The following JAM3 variants were observed in gnomAD, a reference collection of about 807,000 sequenced individuals.
JAM3 encodes the protein junctional adhesion molecule 3.
JAM3 carries 31 observed loss-of-function variants against 39.4 expected under a neutral mutation model. The ratio of observed to expected loss-of-function variants is 0.79; its 90% CI spans 0.59 to 1.06. JAM3 has a LOEUF of 1.06. Ranked by LOEUF, JAM3 falls within the 50% of genes least tolerant of loss-of-function variation. The pLI is 0.00. For missense variants in JAM3, 455 were observed against 391.4 expected (o/e 1.16, Z -1.37); for synonymous variants, 182 against 148.7 (o/e 1.22, Z -1.63).
intron 1 of JAM3, among the ~76,000 whole-genome samples, chr11:134,133,650 C>T (rs778500570): frequency 1.2e-4 from 19 of 152,272 alleles, no homozygotes; most frequent in Middle Eastern, 6.8e-3. Context: ...CTCCAGCCGC[C>T]TCTAGTCATC....
At chr11:134,098,011 A>G (rs188780502) in intron 1 of JAM3, among the ~76,000 whole-genome samples, 207 of 152,224 alleles carry the variant, frequency 1.4e-3, no homozygotes, top group Non-Finnish European at 2.2e-3. Context: ...AAAAACCTAT[A>G]TACTTTATGA....
chr11:134,143,834 G>A (rs917458326), intron 3 of JAM3, among the ~76,000 whole-genome samples: 1 of 152,144 alleles, frequency 6.6e-6, no homozygotes, highest in Non-Finnish European at 1.5e-5. Context: ...GTTGTATATG[G>A]AGTGAGAGAG....
chr11:134,134,097 TAAA>T (rs373410203), intron 1 of JAM3, among the ~76,000 whole-genome samples: 1 of 151,224 alleles, frequency 6.6e-6, no homozygotes. Flanking sequence ...ACACTAGAGA[TAAA>T]AAAAACTAGC....
Position 134,148,668 on chromosome 11 carries a change from T to C in JAM3, c.834T>C (p.Asp278=). 6.2e-7 allele frequency: 1 copy of C among 1,614,048 alleles called. No individual in the cohort carries two copies. The highest frequency in any genetic ancestry group is 8.5e-7 in the Non-Finnish European group (1 of 1,180,010). ...GCTACTTCATCAACAATAAACAGGATGGAGAAAGGTGAGCCTGCCTTATGT... is the reference window on the plus strand; with the variant it reads ...GCTACTTCATCAACAATAAACAGGACGGAGAAAGGTGAGCCTGCCTTATGT... ...RRGYFINNKQ[D]GESYKNPGKP... Residue 278 remains aspartate (D), a synonymous_variant, in exon 7 of 9, where the codon GAT becomes GAC. Coordinates refer to ENST00000299106, the MANE Select transcript of JAM3 (RefSeq NM_032801.5).
chr11:134,119,689 A>T (rs1942499086), intron 1 of JAM3, among the ~76,000 whole-genome samples: 2 of 152,122 alleles, frequency 1.3e-5, no homozygotes, highest in Non-Finnish European at 2.9e-5. Flanking sequence ...TTTTATTTAA[A>T]TGATCAGGTG....
At chr11:134,132,590 C>CCTGATTATA (rs2120823155) in intron 1 of JAM3, among the ~76,000 whole-genome samples, 1 of 152,248 alleles carries the variant, frequency 6.6e-6, no homozygotes, top group Non-Finnish European at 1.5e-5. Context: ...TCAGTTATGT[C>CCTGATTATA]CTGATTATAT....
chr11:134,134,564 GT>G (rs1284325900), intron 1 of JAM3, among the ~76,000 whole-genome samples: 1 of 152,166 alleles, frequency 6.6e-6, no homozygotes, highest in Admixed American at 6.5e-5. Flanking sequence ...GTAATTCTGT[GT>G]TTAACTTTTC....
chr11:134,100,740 C>T (rs1942058982), intron 1 of JAM3, among the ~76,000 whole-genome samples: 1 of 152,128 alleles, frequency 6.6e-6, no homozygotes, highest in South Asian at 2.1e-4. Context: ...TTATAATTAT[C>T]CCCATCGTAT....
chr11:134,071,198 G>T (rs1308123479), intron 1 of JAM3, among the ~76,000 whole-genome samples: 5 of 152,126 alleles, frequency 3.3e-5, no homozygotes, highest in African/African-American at 1.2e-4. Context: ...TCTGTTACAA[G>T]AATTTAATGT....
In JAM3 at chr11:134,151,370, TAGAG is replaced by T. The variant is rs1050165606; in HGVS notation, c.*2192_*2195del. ...GTTCCCTCCATCATTGCCACCTTGG[TAGAG>T]AGGGATGGCTCCCCACCCTCAGCGT... On this transcript the variant is annotated 3_prime_UTR_variant, in exon 9 of 9. Coordinates refer to ENST00000299106, the MANE Select transcript of JAM3 (RefSeq NM_032801.5). The T allele has an allele frequency of 2.0e-5, 3 of 152,162 alleles. No homozygotes were observed. The highest frequency in any genetic ancestry group is 7.2e-5 in the African/African-American group (3 of 41,444). 9.4% of individuals were successfully genotyped at this position (152,162 alleles called of 1,614,324 possible). A position where few individuals can be genotyped will look rare whatever the true frequency, so the allele number is the denominator to read the frequency against.
chr11:134,090,186 T>C (rs1941820601), intron 1 of JAM3, among the ~76,000 whole-genome samples: 1 of 152,256 alleles, frequency 6.6e-6, no homozygotes, highest in South Asian at 2.1e-4. Flanking sequence ...TTGGAGTTCA[T>C]TGTAGATTCT....
chr11:134,128,796 G>T (rs947794269), intron 1 of JAM3, among the ~76,000 whole-genome samples: 2 of 152,104 alleles, frequency 1.3e-5, no homozygotes, highest in African/African-American at 4.8e-5. Flanking sequence ...CCAGTCTCTG[G>T]TAGTTCTTTA....
At position 134,147,985 on chromosome 11, in the gene JAM3, G is replaced by A. The variant is rs532877306; in HGVS notation, c.713-562G>A. 5.8e-5 allele frequency: 10 copies of A among 173,576 alleles called. No individual in the cohort carries two copies. The East Asian group carries it at 1.5e-3, about 27-fold the overall frequency. The allele number at this position is 173,576 out of a possible 1,614,324, so 10.8% of individuals were successfully genotyped here. The stretch of plus-strand genomic sequence containing the variant: ...GTGCCTTTGCCCAGTGTATAGACAT[G>A]AGAAAAGGGTTCCAGGGGGTTTCCT... On this transcript the variant is annotated intron_variant, in intron 6 of 8. Transcript: ENST00000299106.
chr11:134,131,738 A>G (rs975854233), intron 1 of JAM3, among the ~76,000 whole-genome samples: 3 of 152,264 alleles, frequency 2.0e-5, no homozygotes, highest in African/African-American at 7.2e-5. Context: ...GACACTATCA[A>G]TAAAGACATA....
chr11:134,111,569 C>T (rs187424881), intron 1 of JAM3, among the ~76,000 whole-genome samples: 4 of 152,238 alleles, frequency 2.6e-5, no homozygotes, highest in Admixed American at 2.6e-4. Context: ...AGGGAAGGAT[C>T]ATTGCATGGT....
At chr11:134,101,135 C>G (rs1942065523) in intron 1 of JAM3, among the ~76,000 whole-genome samples, 1 of 152,094 alleles carries the variant, frequency 6.6e-6, no homozygotes, top group African/African-American at 2.4e-5. Context: ...TCTGTTCTTA[C>G]CCATCTTCAA....
chr11:134,108,971 C>T (rs1326907923), intron 1 of JAM3, among the ~76,000 whole-genome samples: 1 of 151,724 alleles, frequency 6.6e-6, no homozygotes, highest in African/African-American at 2.4e-5. Flanking sequence ...GCTCTTTTAA[C>T]TTTAATACAG....
At chr11:134,116,134 C>T (rs1942428118) in intron 1 of JAM3, among the ~76,000 whole-genome samples, 1 of 152,136 alleles carries the variant, frequency 6.6e-6, no homozygotes, top group South Asian at 2.1e-4. Flanking sequence ...TTAAGCTTCA[C>T]TTCCTGGAGG....
chr11:134,144,362 T>C lies in JAM3; in HGVS notation c.378T>C (p.Ile126=), dbSNP rs1450567665. 3.1e-6 allele frequency: 5 copies of C among 1,614,100 alleles called. No individual in the cohort carries two copies. In the African/African-American group the frequency reaches 6.7e-5, roughly 22 times the overall value. ...TTGCTCGAAATGACCGCAAGGAAATTGATGAGATTGTGATCGAGTTAACTG... is the reference window on the plus strand; with the variant it reads ...TTGCTCGAAATGACCGCAAGGAAATCGATGAGATTGTGATCGAGTTAACTG... ...EVVARNDRKE[I]DEIVIELTVQ... The change falls in exon 4 of 9, where the codon ATT becomes ATC. Residue 126 remains isoleucine (I), a synonymous_variant. Coordinates refer to ENST00000299106, the MANE Select transcript of JAM3 (RefSeq NM_032801.5).
Sources: allele counts gnomAD v4.1 joint callset (sites outside exome capture counted in the v4.1 genomes callset), GRCh38; gene constraint gnomAD v4.1.1; transcripts MANE v1.5; gene names NCBI Gene and HGNC (gene_info 2026-07-23, HGNC 2026-07-21).